The following AGBL1 variants were observed in gnomAD, a reference collection of about 807,000 sequenced individuals.
AGBL1 encodes cytosolic carboxypeptidase 4.
AGBL1 carries 130 observed loss-of-function variants against 118.9 expected under a neutral mutation model. The observed-to-expected ratio is 1.09, with a 90% CI of 0.95 to 1.26. AGBL1 has a LOEUF of 1.26. AGBL1 is among the 50% of genes most tolerant of loss of function. The pLI, the probability that AGBL1 is intolerant of heterozygous loss-of-function variation, is 0.00. For missense variants in AGBL1, 1,584 were observed against 1,298.1 expected (o/e 1.22, Z -3.38); for synonymous variants, 555 against 478.9 (o/e 1.16, Z -2.08).
chr15:86,385,226 T>C (rs1394851141), intron 17 of AGBL1, among the ~76,000 whole-genome samples: 1 of 152,240 alleles, frequency 6.6e-6, no homozygotes, highest in Non-Finnish European at 1.5e-5. Flanking sequence ...ATTTTTACTA[T>C]CTATTGGGTT....
chr15:86,985,335 A>G (rs2081271229), intron 23 of AGBL1, among the ~76,000 whole-genome samples: 1 of 152,188 alleles, frequency 6.6e-6, no homozygotes, highest in African/African-American at 2.4e-5. Context: ...TCATAGTTGT[A>G]TCATTTTACA....
At chr15:86,614,345 A>G (rs531320525) in intron 21 of AGBL1, among the ~76,000 whole-genome samples, 12 of 152,170 alleles carry the variant, frequency 7.9e-5, no homozygotes, top group Admixed American at 2.6e-4. Flanking sequence ...TGCTGTTCAC[A>G]TGAATACCCA....
intron 22 of AGBL1, among the ~76,000 whole-genome samples, chr15:86,853,369 AT>A (rs1307746003): frequency 6.6e-6 from 1 of 152,192 alleles, no homozygotes; most frequent in African/African-American, 2.4e-5. Context: ...CTTATTTTTT[AT>A]ATCTCGATTT....
intron 23 of AGBL1, among the ~76,000 whole-genome samples, chr15:86,949,775 G>C (rs923638275): frequency 6.6e-6 from 1 of 151,936 alleles, no homozygotes; most frequent in African/African-American, 2.4e-5. Context: ...AGACAAACTC[G>C]CAATTACAGT....
At chr15:86,163,615 C>A (rs908913308) in intron 5 of AGBL1, among the ~76,000 whole-genome samples, 1 of 151,980 alleles carries the variant, frequency 6.6e-6, no homozygotes, top group Non-Finnish European at 1.5e-5. Flanking sequence ...GTAATCCCAG[C>A]TACCTGGGAG....
At chr15:86,688,359 G>A (rs1193671678) in intron 22 of AGBL1, among the ~76,000 whole-genome samples, 1 of 152,112 alleles carries the variant, frequency 6.6e-6, no homozygotes, top group Non-Finnish European at 1.5e-5. Context: ...CAAGGTGAGA[G>A]AGGGAACTCT....
At chr15:86,603,666 C>T (rs2142375296) in intron 21 of AGBL1, among the ~76,000 whole-genome samples, 1 of 152,224 alleles carries the variant, frequency 6.6e-6, no homozygotes, top group East Asian at 1.9e-4. Flanking sequence ...CCTTCCCTCT[C>T]TTCCCGCCCC....
chr15:86,679,737 C>T (rs2085918199), intron 22 of AGBL1, among the ~76,000 whole-genome samples: 1 of 152,024 alleles, frequency 6.6e-6, no homozygotes, highest in Non-Finnish European at 1.5e-5. Flanking sequence ...ATTTTCTTAG[C>T]TTATTAATTT....
chr15:86,648,752 A>G (rs2085325891), intron 21 of AGBL1, among the ~76,000 whole-genome samples: 1 of 152,198 alleles, frequency 6.6e-6, no homozygotes, highest in East Asian at 1.9e-4. Flanking sequence ...AACTAGTAGT[A>G]TAGTGTCCTA....
At chr15:86,610,568 T>TAACTAG (rs2084641983) in intron 21 of AGBL1, among the ~76,000 whole-genome samples, 2 of 152,124 alleles carry the variant, frequency 1.3e-5, no homozygotes, top group African/African-American at 4.8e-5. Context: ...TTCCCTAGAC[T>TAACTAG]AACTAGATAA....
At chr15:86,880,777 CTGTG>C (rs374794588) in intron 22 of AGBL1, among the ~76,000 whole-genome samples, 3 of 151,860 alleles carry the variant, frequency 2.0e-5, no homozygotes, top group East Asian at 1.9e-4. Flanking sequence ...GTATATGCCT[CTGTG>C]TGTGTGTGCA....
chr15:86,647,471 C>A (rs536043549), intron 21 of AGBL1, among the ~76,000 whole-genome samples: 29 of 152,248 alleles, frequency 1.9e-4, no homozygotes, highest in African/African-American at 7.0e-4. Flanking sequence ...GAGGCCAAAG[C>A]GGGTAGATCA....
intron 5 of AGBL1, among the ~76,000 whole-genome samples, chr15:86,176,771 C>G (rs1367629199): frequency 6.6e-6 from 1 of 152,104 alleles, no homozygotes; most frequent in Non-Finnish European, 1.5e-5. Flanking sequence ...ATCTCTGGAA[C>G]AATGTCATGG....
At chr15:86,658,604 T>C (rs1702639970) in intron 21 of AGBL1, among the ~76,000 whole-genome samples, 1 of 152,184 alleles carries the variant, frequency 6.6e-6, no homozygotes, top group Non-Finnish European at 1.5e-5. Flanking sequence ...ACCTTGGTTT[T>C]GGCCAGTGTT....
intron 5 of AGBL1, among the ~76,000 whole-genome samples, chr15:86,196,803 A>T (rs187641820): frequency 6.6e-6 from 1 of 151,920 alleles, no homozygotes; most frequent in East Asian, 2.0e-4. Context: ...GTGGTCTTAT[A>T]AGAAGAGAAA....
At chr15:86,789,502 A>G (rs1460158781) in intron 22 of AGBL1, among the ~76,000 whole-genome samples, 1 of 152,206 alleles carries the variant, frequency 6.6e-6, no homozygotes, top group African/African-American at 2.4e-5. Context: ...ACAGCTGAAT[A>G]CAAATGGACT....
chr15:86,502,223 A>G (rs1028705862), intron 18 of AGBL1, among the ~76,000 whole-genome samples: 2 of 151,424 alleles, frequency 1.3e-5, no homozygotes, highest in Non-Finnish European at 3.0e-5. Flanking sequence ...TTGGCTTTTA[A>G]ATTTTATTTT....
chr15:86,499,784 A>G (rs2082897613), intron 18 of AGBL1, among the ~76,000 whole-genome samples: 1 of 151,930 alleles, frequency 6.6e-6, no homozygotes, highest in Non-Finnish European at 1.5e-5. Flanking sequence ...TAAACTGCCA[A>G]CAAGGTAAGT....
rs79987050 is a variant in AGBL1 at position 86,224,904 on chromosome 15, C to T, written c.489-10C>T. 22,969 of 1,613,060 alleles carry T rather than the reference C, an allele frequency of 0.014. 215 individuals are homozygous for T. The highest frequency in any genetic ancestry group is 0.024 in the South Asian group (2,139 of 91,000). ...AATGTTGACTGTTACTTTTCTTTCT[C>T]TTTCCCCAGGGCAGCCACTGAAGTT... On this transcript the variant is annotated splice_polypyrimidine_tract_variant and intron_variant, in intron 5 of 22. Coordinates refer to ENST00000614907, the MANE Select transcript of AGBL1 (RefSeq NM_001386094.1).
Sources: gnomAD v4.1 joint callset for allele counts (sites outside exome capture counted in the v4.1 genomes callset) on GRCh38, gnomAD v4.1.1 for gene constraint, MANE v1.5 for transcripts, NCBI Gene and HGNC (gene_info 2026-07-23, HGNC 2026-07-21) for gene names.